The following TNR variants were observed in gnomAD, a reference collection of about 807,000 sequenced individuals.
The protein encoded by TNR is tenascin-R.
TNR carries 45 observed loss-of-function variants against 150.4 expected under a neutral mutation model. The ratio of observed to expected loss-of-function variants is 0.30; its 90% CI spans 0.24 to 0.38. The LOEUF is 0.38. TNR is among the 10% of genes least tolerant of loss of function. TNR has a pLI of 1.00. For missense variants in TNR, 1,544 were observed against 1,759.1 expected, an observed-to-expected ratio of 0.88 and a Z score of 2.19; for synonymous variants, 687 against 678.4, an observed-to-expected ratio of 1.01 and a Z score of -0.20.
rs1169403243 is a variant in TNR, at chr1:175,331,095, T to TTCTTTCTC, written c.3632-868_3632-861dup. ...TTTCTTTCCTTCTTTCTTTCTTTCT[T>TTCTTTCTC]TCTTTCTCTCTCTCTTTCTTTTCTT... is the stretch of plus-strand genomic sequence containing the variant. On this transcript the variant is annotated intron_variant, in intron 20 of 22. Coordinates refer to ENST00000367674, the MANE Select transcript of TNR (RefSeq NM_003285.3). 9.5e-4 allele frequency among the ~76,000 whole-genome samples: 126 copies of TTCTTTCTC among 132,112 alleles called. 10 individuals carry two copies. Among genetic ancestry groups the TTCTTTCTC allele is most frequent in the African/African-American group, 3.6e-3 (119 of 33,140 alleles). 86.7% of individuals were successfully genotyped at this position (132,112 alleles called of 152,430 possible).
intron 1 of TNR, among the ~76,000 whole-genome samples, chr1:175,711,115 TA>T (rs1467713694): frequency 6.6e-6 from 1 of 152,166 alleles, no homozygotes; most frequent in Non-Finnish European, 1.5e-5. Flanking sequence ...CCCTAGTCTT[TA>T]AAACAGGCAA....
intron 1 of TNR, among the ~76,000 whole-genome samples, chr1:175,686,850 A>G (rs1250917384): frequency 1.3e-5 from 2 of 152,178 alleles, no homozygotes; most frequent in Non-Finnish European, 2.9e-5. Context: ...GTAGTATTCC[A>G]TGGTGTACAT....
At chr1:175,664,349 G>T (rs1047466839) in intron 1 of TNR, among the ~76,000 whole-genome samples, 1 of 152,194 alleles carries the variant, frequency 6.6e-6, no homozygotes, top group Non-Finnish European at 1.5e-5. Context: ...GAGCAGAGTA[G>T]AGGGGCCTCT....
intron 1 of TNR, among the ~76,000 whole-genome samples, chr1:175,678,925 G>C (rs1254958738): frequency 1.3e-5 from 2 of 152,150 alleles, no homozygotes; most frequent in Admixed American, 1.3e-4. Flanking sequence ...GGGGTGACTG[G>C]CTATGCTCCC....
intron 2 of TNR, among the ~76,000 whole-genome samples, chr1:175,440,271 G>A (rs1166869337): frequency 6.6e-6 from 1 of 151,122 alleles, no homozygotes; most frequent in Non-Finnish European, 1.5e-5. Flanking sequence ...AAACTATCAC[G>A]AGGACAAAAA....
intron 1 of TNR, among the ~76,000 whole-genome samples, chr1:175,562,113 T>A (rs1661453816): frequency 6.6e-6 from 1 of 152,260 alleles, no homozygotes; most frequent in African/African-American, 2.4e-5. Flanking sequence ...TATATTTTGA[T>A]GTACATGATG....
At chr1:175,345,524 T>G (rs930950245) in intron 18 of TNR, among the ~76,000 whole-genome samples, 4 of 152,042 alleles carry the variant, frequency 2.6e-5, no homozygotes, top group African/African-American at 9.7e-5. Context: ...TAAATAAAAA[T>G]TAATATATTA....
intron 9 of TNR, among the ~76,000 whole-genome samples, chr1:175,376,143 C>T (rs528052575): frequency 1.9e-4 from 29 of 152,012 alleles, no homozygotes; most frequent in South Asian, 1.7e-3. Flanking sequence ...CATCTCTGGG[C>T]GTAATGCCCA....
chr1:175,330,033 A>C (rs768781960), intron 21 of TNR, 41 bp downstream of exon 21: 1 of 1,466,490 alleles, frequency 6.8e-7, no homozygotes, highest in Non-Finnish European at 9.1e-7. Context: ...CTCTTGTCCC[A>C]TGCCCACTGT....
intron 2 of TNR, among the ~76,000 whole-genome samples, chr1:175,523,946 T>C (rs1016191559): frequency 1.3e-5 from 2 of 152,154 alleles, no homozygotes; most frequent in Non-Finnish European, 2.9e-5. Context: ...TTTGGTCCCA[T>C]GATCTCAATG....
intron 1 of TNR, among the ~76,000 whole-genome samples, chr1:175,696,244 T>TTC (rs1666520418): frequency 7.0e-6 from 1 of 142,940 alleles, no homozygotes; most frequent in South Asian, 2.1e-4. Context: ...TTTTTTTTTT[T>TTC]CCAAAATTTA....
chr1:175,719,640 G>A (rs1667247071), intron 1 of TNR, among the ~76,000 whole-genome samples: 1 of 152,198 alleles, frequency 6.6e-6, no homozygotes, highest in Non-Finnish European at 1.5e-5. Flanking sequence ...GCCCCTGGCT[G>A]CCCAAGTAGA....
chr1:175,592,049 T>A (rs996381702), intron 1 of TNR, among the ~76,000 whole-genome samples: 1 of 152,002 alleles, frequency 6.6e-6, no homozygotes, highest in African/African-American at 2.4e-5. Context: ...GACTTGAGAG[T>A]TTTTTTACTG....
intron 2 of TNR, among the ~76,000 whole-genome samples, chr1:175,482,533 C>T (rs1162457875): frequency 6.6e-6 from 1 of 151,980 alleles, no homozygotes; most frequent in Non-Finnish European, 1.5e-5. Context: ...CTACCACAGG[C>T]CAAAGAGGAA....
intron 1 of TNR, among the ~76,000 whole-genome samples, chr1:175,595,331 T>A: frequency 6.6e-6 from 1 of 152,200 alleles, no homozygotes; most frequent in East Asian, 1.9e-4. Context: ...AACTCCTTTC[T>A]TTTCCAAATA....
intron 20 of TNR, among the ~76,000 whole-genome samples, chr1:175,331,046 T>TTTCTTTCTTTCTTTCCTTCCTTCCTTCC (rs1557867536): frequency 3.9e-4 from 32 of 82,898 alleles, no homozygotes; most frequent in African/African-American, 1.5e-3. Flanking sequence ...TCTTTCTTTC[T>TTTCTTTCTTTCTTTCCTTCCTTCCTTCC]TTCTTTCTTT....
Position 175,365,659 on chromosome 1 carries a change from A to T in TNR, c.2317+216T>A, listed in dbSNP as rs143241957. On this transcript the variant is annotated intron_variant, in intron 11 of 22. Transcript: ENST00000367674. ...TCAAGGCCATAGAAAAGCCAGACAC[A>T]AGTTTTCAGGCAGGTAACACTATTG... is the stretch of plus-strand genomic sequence containing the variant. Among the ~76,000 whole-genome samples, 24 of 152,304 alleles carry T rather than the reference A, an allele frequency of 1.6e-4. No individual in the cohort carries two copies. In the East Asian group the frequency reaches 3.7e-3, roughly 23 times the overall value.
At chr1:175,566,153 A>G (rs1482963518) in intron 1 of TNR, among the ~76,000 whole-genome samples, 1 of 152,220 alleles carries the variant, frequency 6.6e-6, no homozygotes, top group Non-Finnish European at 1.5e-5. Flanking sequence ...ATCCCTGAAT[A>G]AACGAGAGTT....
intron 2 of TNR, among the ~76,000 whole-genome samples, chr1:175,478,128 G>A (rs1041534963): frequency 6.6e-6 from 1 of 152,210 alleles, no homozygotes; most frequent in African/African-American, 2.4e-5. Context: ...TTGGGGTTAT[G>A]TGTAATTGCT....
Sources: allele counts gnomAD v4.1 joint callset (sites outside exome capture counted in the v4.1 genomes callset), GRCh38; gene constraint gnomAD v4.1.1; transcripts MANE v1.5; gene names NCBI Gene and HGNC (gene_info 2026-07-23, HGNC 2026-07-21).